WASF3: variants seen among roughly 807,000 people sequenced by gnomAD.
The protein encoded by WASF3 is actin-binding protein WASF3.
In WASF3, 11 loss-of-function variants were observed where a neutral mutation model predicts 46.6. That is an observed-to-expected ratio of 0.24 (90% CI 0.15 to 0.39). WASF3 has a LOEUF of 0.39. Ranked by LOEUF, WASF3 falls within the 10% of genes least tolerant of loss-of-function variation. WASF3 has a pLI of 1.00. For missense variants in WASF3, 576 were observed against 669.8 expected, an observed-to-expected ratio of 0.86 and a Z score of 1.55; for synonymous variants, 242 against 259.7, an observed-to-expected ratio of 0.93 and a Z score of 0.65.
At chr13:26,544,499 C>T in the WASF3 span, among the ~76,000 whole-genome samples, 4 of 152,096 alleles carry the variant, frequency 2.6e-5, no homozygotes, top group South Asian at 4.1e-4. Context: ...CCAGGATGCC[C>T]GCTAGTATTA....
chr13:26,682,969 G>A lies in WASF3; in HGVS notation c.1346G>A (p.Arg449Gln). The change falls in exon 9 of 10, where the codon CGA becomes CAA. Residue 449 changes from arginine to glutamine, a missense_variant. By Grantham distance (43) the Arg-to-Gln change is conservative. Around this residue, in one of 3 missense-constraint regions of WASF3, gnomAD observed 68 missense variants for 100.3 expected, o/e 0.68. Coordinates refer to ENST00000335327, the MANE Select transcript of WASF3 (RefSeq NM_006646.6). This position sits in a 1 kb window ranked among gnomAD's most constrained non-coding sequence, Gnocchi z 4.4. Reference protein sequence around the residue: ...DARSDLLAAIRMGIQLKKVQE... With the variant: ...DARSDLLAAIQMGIQLKKVQE... ...CGAAGCGACCTCCTCGCTGCTATTC[G>A]AATGGGTAAGTGGAGCCCCCAGACA... 3.1e-6 allele frequency: 5 copies of A among 1,601,968 alleles called. No individual in the cohort carries two copies. The highest frequency in any genetic ancestry group is 4.2e-6 in the Non-Finnish European group (5 of 1,179,548).
chr13:26,634,514 T>G (rs886676853), intron 2 of WASF3, among the ~76,000 whole-genome samples: 2 of 152,232 alleles, frequency 1.3e-5, no homozygotes, highest in African/African-American at 4.8e-5. Context: ...TATGTGACAA[T>G]TTGATCCTGT....
At chr13:26,617,142 A>T (rs1257252185) in intron 2 of WASF3, among the ~76,000 whole-genome samples, 1 of 152,254 alleles carries the variant, frequency 6.6e-6, no homozygotes, top group East Asian at 1.9e-4. Flanking sequence ...TAACATTTTT[A>T]AAAACTATCA....
chr13:26,643,768 GTAA>G (rs1882068809), intron 3 of WASF3, among the ~76,000 whole-genome samples: 1 of 152,334 alleles, frequency 6.6e-6, no homozygotes, highest in Admixed American at 6.5e-5. Flanking sequence ...ATCTCATGCT[GTAA>G]TAATCGGCGG....
chr13:26,559,527 T>G (rs1202636027), intron 1 of WASF3, among the ~76,000 whole-genome samples: 2 of 152,194 alleles, frequency 1.3e-5, no homozygotes, highest in African/African-American at 4.8e-5. Context: ...ACCTCCTATC[T>G]CTTGTCAGTG....
At chr13:26,540,829 A>G in the WASF3 span, among the ~76,000 whole-genome samples, 2 of 152,212 alleles carry the variant, frequency 1.3e-5, no homozygotes, top group Non-Finnish European at 2.9e-5. Context: ...ACTGAGAAGA[A>G]CCACTTAAAA....
intron 2 of WASF3, among the ~76,000 whole-genome samples, chr13:26,614,288 T>C (rs752945040): frequency 1.3e-5 from 2 of 152,202 alleles, no homozygotes; most frequent in Non-Finnish European, 2.9e-5. Flanking sequence ...ACTTTCACTT[T>C]ACAGGTAATT....
At chr13:26,607,661 T>G (rs1370120330) in intron 1 of WASF3, among the ~76,000 whole-genome samples, 1 of 151,984 alleles carries the variant, frequency 6.6e-6, no homozygotes, top group Non-Finnish European at 1.5e-5. Flanking sequence ...AAACAGGGTC[T>G]TGCTCTGTCG....
At chr13:26,670,510 A>G (rs188630957) in intron 5 of WASF3, among the ~76,000 whole-genome samples, 1 of 152,114 alleles carries the variant, frequency 6.6e-6, no homozygotes, top group Non-Finnish European at 1.5e-5. Context: ...AAAAGAACGT[A>G]TCTGTTTATA....
intron 5 of WASF3, among the ~76,000 whole-genome samples, chr13:26,668,135 A>C (rs1248442878): frequency 2.0e-5 from 3 of 152,226 alleles, no homozygotes; most frequent in Admixed American, 2.0e-4. Context: ...GAGTGAAAAT[A>C]TAGTCAGCAA....
At chr13:26,672,702 A>G (rs914451047) in intron 6 of WASF3, among the ~76,000 whole-genome samples, 1 of 152,194 alleles carries the variant, frequency 6.6e-6, no homozygotes, top group Non-Finnish European at 1.5e-5. Context: ...AAAAATGACC[A>G]TCCAGTTTGC....
chr13:26,554,084 C>CTTTCTTTCTTTCTTTCTTTCT, upstream of WASF3, among the ~76,000 whole-genome samples: 1 of 36,222 alleles, frequency 2.8e-5, no homozygotes, highest in East Asian at 1.3e-3. Flanking sequence ...TCCTTCCTTC[C>CTTTCTTTCTTTCTTTCTTTCT]TTCCTTCCTT....
rs1879397907 is a variant in WASF3, at chr13:26,564,494, TCCTCTA to T, written c.-109+6676_-109+6681del. ...AAAGCTGAATTGAATTTTTAAAAGT[TCCTCTA>T]GTGCATGCTGAAGATTTTATTAGCT... On this transcript the variant is annotated intron_variant, in intron 1 of 9. Coordinates refer to ENST00000335327, the MANE Select transcript of WASF3 (RefSeq NM_006646.6). Among the ~76,000 whole-genome samples the T allele has an allele frequency of 2.6e-5, 4 of 152,210 alleles. No homozygotes were observed. In the South Asian group the frequency reaches 8.3e-4, roughly 32 times the overall value.
At chr13:26,665,805 T>A (rs971329926) in intron 4 of WASF3, among the ~76,000 whole-genome samples, 52 of 152,348 alleles carry the variant, frequency 3.4e-4, no homozygotes, top group African/African-American at 1.2e-3. Flanking sequence ...TTTCAGTATC[T>A]TGAATGAAAG....
At chr13:26,631,955 A>G (rs1881664209) in intron 2 of WASF3, among the ~76,000 whole-genome samples, 1 of 152,218 alleles carries the variant, frequency 6.6e-6, no homozygotes, top group African/African-American at 2.4e-5. Context: ...GAGTTCACTC[A>G]TGATTTGGCT....
intron 4 of WASF3, among the ~76,000 whole-genome samples, chr13:26,666,573 C>T (rs1313995838): frequency 6.6e-6 from 1 of 152,088 alleles, no homozygotes; most frequent in Non-Finnish European, 1.5e-5. Context: ...AGGTTAATAG[C>T]CTAGTCTGTC....
At chr13:26,653,930 A>G (rs560846371) in intron 3 of WASF3, among the ~76,000 whole-genome samples, 11 of 146,408 alleles carry the variant, frequency 7.5e-5, no homozygotes, top group Middle Eastern at 6.9e-3. Flanking sequence ...GCCATCCCCT[A>G]TCTGTCTTAG....
At chr13:26,663,014 G>A (rs1424218578) in intron 3 of WASF3, among the ~76,000 whole-genome samples, 1 of 152,180 alleles carries the variant, frequency 6.6e-6, no homozygotes, top group African/African-American at 2.4e-5. Flanking sequence ...ATGGGTTCGG[G>A]GGTGGGAGGT....
chr13:26,590,782 G>A (rs952752579), intron 1 of WASF3, among the ~76,000 whole-genome samples: 10 of 152,160 alleles, frequency 6.6e-5, no homozygotes, highest in African/African-American at 2.4e-4. Context: ...GGACACATCA[G>A]TGAACAAAAC....
Sources: gnomAD v4.1 joint callset for allele counts (sites outside exome capture counted in the v4.1 genomes callset) on GRCh38, gnomAD v4.1.1 for gene constraint, gnomAD v4.1.1 regional missense constraint, Gnocchi (gnomAD v3.1) non-coding constraint, MANE v1.5 for transcripts, NCBI Gene and HGNC (gene_info 2026-07-23, HGNC 2026-07-21) for gene names.